The following CPAMD8 variants were observed in gnomAD, a reference collection of about 807,000 sequenced individuals.
CPAMD8 encodes C3 and PZP like alpha-2-macroglobulin domain containing 8.
In CPAMD8, 146 loss-of-function variants were observed where a neutral mutation model predicts 224.7. That is an observed-to-expected ratio of 0.65 (90% CI 0.57 to 0.75). CPAMD8 has a LOEUF of 0.75. CPAMD8 is among the 30% of genes least tolerant of loss of function. The pLI is 0.00. For missense variants in CPAMD8, 2,301 were observed against 2,537.5 expected, an observed-to-expected ratio of 0.91 and a Z score of 2.00; for synonymous variants, 966 against 1,044.6, an observed-to-expected ratio of 0.92 and a Z score of 1.45.
chr19:16,934,682 C>T (rs1241494459), intron 23 of CPAMD8, among the ~76,000 whole-genome samples: 2 of 152,108 alleles, frequency 1.3e-5, no homozygotes, highest in African/African-American at 4.8e-5. Context: ...GCAAATACAA[C>T]AAAATGTCAA....
In CPAMD8 at chr19:17,009,302, C is replaced by G; in HGVS notation, c.504+1G>C. 1 of 1,614,074 alleles carries G rather than the reference C, an allele frequency of 6.2e-7. No individual in the cohort carries two copies. The highest frequency in any genetic ancestry group is 8.5e-7 in the Non-Finnish European group (1 of 1,179,960). The stretch of plus-strand genomic sequence containing the variant: ...GCCGAGGAAGGACAGAGGCCACTCA[C>G]CAGGATGTAGGCTTCCAGCTGTAAT... On this transcript the variant is annotated splice_donor_variant, in intron 6 of 41. Coordinates refer to ENST00000443236, the MANE Select transcript of CPAMD8 (RefSeq NM_015692.5). LOFTEE classifies it high-confidence loss of function.
At chr19:16,957,536 T>C in intron 19 of CPAMD8, 1 of 265,062 alleles carries the variant, frequency 3.8e-6, no homozygotes, top group Non-Finnish European at 7.1e-6. Context: ...GTAGGTGGAG[T>C]CAAGTTCATG....
chr19:17,025,826 AC>A (rs561477243), intron 1 of CPAMD8, among the ~76,000 whole-genome samples: 74 of 152,258 alleles, frequency 4.9e-4, no homozygotes, highest in South Asian at 4.8e-3. Flanking sequence ...TAAAACTGTG[AC>A]CAGCAAGGAC....
intron 13 of CPAMD8, among the ~76,000 whole-genome samples, chr19:16,982,076 TG>T (rs2055535202): frequency 6.6e-6 from 1 of 152,074 alleles, no homozygotes; most frequent in Non-Finnish European, 1.5e-5. Flanking sequence ...GGCAACAAAG[TG>T]AGATCCCGTC....
At position 16,893,168 on chromosome 19, in the gene CPAMD8, T is replaced by A. The variant is rs1435412364; in HGVS notation, c.5598A>T (p.Pro1866=). 6.3e-7 allele frequency: 1 copy of A among 1,594,996 alleles called. No homozygotes were observed. The highest frequency in any genetic ancestry group is 2.2e-5 in the East Asian group (1 of 44,690). Residue 1866 remains proline (P), a synonymous_variant, in exon 42 of 42, where the codon CCA becomes CCT. Transcript: ENST00000443236. ...CCTCCTCCCCACCACTCTGAAAGGCTGGGCTGTAGACGAAGACAGGGCTCA... is the reference window on the plus strand; with the variant it reads ...CCTCCTCCCCACCACTCTGAAAGGCAGGGCTGTAGACGAAGACAGGGCTCA... ...GLLSPVFVYS[P]AFQSGGEEGL...
rs2051975765 is a variant in CPAMD8, at chr19:16,896,198, G to C, written c.5404C>G (p.Pro1802Ala). 2 of 1,613,694 alleles carry C rather than the reference G, an allele frequency of 1.2e-6. No individual in the cohort carries two copies. The highest frequency in any genetic ancestry group is 1.3e-5 in the African/African-American group (1 of 74,894). The change falls in exon 41 of 42, where the codon CCT becomes GCT. Residue 1802 changes from proline to alanine, a missense_variant. Physicochemically the swap from Pro to Ala is conservative, Grantham distance 27. Coordinates refer to ENST00000443236, the MANE Select transcript of CPAMD8 (RefSeq NM_015692.5). ...TACCTGTCCTCCGCCTCCCCTTCAG[G>C]CTCAGGGTCTGAGTCCTCCACCTCA... is the stretch of plus-strand genomic sequence containing the variant. ...GLEVEDSDPEPEGEAEDRVTA... is the reference protein window; with the variant it reads ...GLEVEDSDPEAEGEAEDRVTA...
chr19:16,991,830 G>T (rs1453631962), intron 12 of CPAMD8, among the ~76,000 whole-genome samples: 3 of 150,390 alleles, frequency 2.0e-5, no homozygotes, highest in Non-Finnish European at 4.4e-5. Context: ...ACTCCAGCTT[G>T]GGCGACAGAG....
chr19:16,994,746 C>T (rs1006436570), intron 11 of CPAMD8, among the ~76,000 whole-genome samples: 1 of 151,784 alleles, frequency 6.6e-6, no homozygotes, highest in Admixed American at 6.6e-5. Flanking sequence ...TCTCAAACTC[C>T]CAGTCTCAAG....
At chr19:16,974,991 AG>A in intron 17 of CPAMD8, 105 bp downstream of exon 17, 1 of 1,412,330 alleles carries the variant, frequency 7.1e-7, no homozygotes, top group South Asian at 1.4e-5. Flanking sequence ...AAGAAAGAAA[AG>A]CTTCCAATTC....
At chr19:17,025,981 GC>G (rs751305804) in intron 1 of CPAMD8, among the ~76,000 whole-genome samples, 1 of 152,082 alleles carries the variant, frequency 6.6e-6, no homozygotes, top group Non-Finnish European at 1.5e-5. Flanking sequence ...GACCAGGGCA[GC>G]CCCCCTGAAC....
chr19:16,914,871 G>A (rs1374694804), intron 27 of CPAMD8, 58 bp from the exon 28 acceptor site: 2 of 1,325,178 alleles, frequency 1.5e-6, no homozygotes, highest in Non-Finnish European at 2.1e-6. Context: ...CCCACATGCT[G>A]GCTGAGGGAT....
intron 17 of CPAMD8, among the ~76,000 whole-genome samples, chr19:16,972,422 T>TG (rs752280821): frequency 1.1e-4 from 16 of 151,996 alleles, no homozygotes; most frequent in Admixed American, 7.9e-4. Context: ...TGGGCTGACT[T>TG]GGATTTGTGA....
chr19:16,935,538 C>T (rs1236738030), intron 23 of CPAMD8, among the ~76,000 whole-genome samples: 1 of 152,148 alleles, frequency 6.6e-6, no homozygotes, highest in Non-Finnish European at 1.5e-5. Context: ...CCACTCAATT[C>T]CCTTCATTCA....
intron 26 of CPAMD8, 34 bp from the exon 27 acceptor site, chr19:16,922,020 G>A: frequency 6.7e-7 from 1 of 1,487,350 alleles, no homozygotes; most frequent in South Asian, 1.2e-5. Context: ...CTGTCCTGTT[G>A]AGTGGCCTGG....
At chr19:17,026,215 C>T (rs1329560163) in intron 1 of CPAMD8, among the ~76,000 whole-genome samples, 1 of 152,206 alleles carries the variant, frequency 6.6e-6, no homozygotes, top group African/African-American at 2.4e-5. Context: ...CACTCTCCTC[C>T]CACTTCTCAG....
At chr19:16,973,679 C>T (rs1177617872) in intron 17 of CPAMD8, among the ~76,000 whole-genome samples, 1 of 151,898 alleles carries the variant, frequency 6.6e-6, no homozygotes. Flanking sequence ...AAATGAAAGG[C>T]ACCCTCCAAT....
chr19:16,941,124 G>A (rs1170283672), intron 22 of CPAMD8, among the ~76,000 whole-genome samples: 1 of 152,090 alleles, frequency 6.6e-6, no homozygotes, highest in Non-Finnish European at 1.5e-5. Context: ...GTAGAGACGG[G>A]GTTTCACCAT....
chr19:16,926,088 AT>A (rs1375882159), intron 25 of CPAMD8, among the ~76,000 whole-genome samples: 1 of 151,864 alleles, frequency 6.6e-6, no homozygotes, highest in African/African-American at 2.4e-5. Context: ...AAATATTCAG[AT>A]TTTCTCTTTA....
In CPAMD8 at chr19:16,952,256, G is replaced by A; in HGVS notation, c.2277-56C>T. On this transcript the variant is annotated intron_variant, in intron 19 of 41. Coordinates refer to ENST00000443236, the MANE Select transcript of CPAMD8 (RefSeq NM_015692.5). Reference sequence around the variant, plus strand: ...GCCCTTCTCCAGGGCCATGCCTCAGGGGGGCCAGTGGGCATGGATGACCCA... The same window carrying A: ...GCCCTTCTCCAGGGCCATGCCTCAGAGGGGCCAGTGGGCATGGATGACCCA... 3 of 984,400 alleles carry A rather than the reference G, an allele frequency of 3.0e-6. No individual in the cohort carries two copies. The South Asian group carries it at 4.2e-5, about 14-fold the overall frequency. The allele number at this position is 984,400 out of a possible 1,614,324, so 61.0% of individuals were successfully genotyped here.
Sources: gnomAD v4.1 joint callset for allele counts (sites outside exome capture counted in the v4.1 genomes callset) on GRCh38, gnomAD v4.1.1 for gene constraint, MANE v1.5 for transcripts, NCBI Gene and HGNC (gene_info 2026-07-23, HGNC 2026-07-21) for gene names.